The following SNRNP48 variants were observed in gnomAD, a reference collection of about 807,000 sequenced individuals.
SNRNP48 encodes U11/U12 small nuclear ribonucleoprotein 48 kDa protein.
Under a neutral mutation model 47.0 loss-of-function variants are expected in SNRNP48, and 43 were observed. The observed-to-expected ratio is 0.92, with a 90% CI of 0.72 to 1.18. The LOEUF (loss-of-function observed/expected upper bound fraction) is 1.18, where lower values mean the gene tolerates loss of function less well. Ranked by LOEUF, SNRNP48 falls within the 50% of genes most tolerant of loss-of-function variation. SNRNP48 has a pLI of 0.00. For synonymous variants in SNRNP48, 138 were observed against 144.0 expected (o/e 0.96, Z 0.30); for missense variants, 396 against 422.2 (o/e 0.94, Z 0.54).
intron 3 of SNRNP48, among the ~76,000 whole-genome samples, chr6:7,594,605 T>G (rs1170911793): frequency 3.3e-5 from 5 of 152,232 alleles, no homozygotes; most frequent in Non-Finnish European, 7.3e-5. Flanking sequence ...GTTGCCTAAA[T>G]TTCTTTATAA....
At chr6:7,594,205 T>C (rs774893718) in intron 3 of SNRNP48, 46 bp downstream of exon 3, 10 of 970,054 alleles carry the variant, frequency 1.0e-5, no homozygotes, top group South Asian at 7.5e-5. Context: ...AGTGTAGATA[T>C]TGATTTTTCA....
intron 1 of SNRNP48, among the ~76,000 whole-genome samples, chr6:7,592,344 T>TC (rs1403436426): frequency 1.3e-5 from 2 of 150,802 alleles, no homozygotes. Flanking sequence ...ATCTTAAAGG[T>TC]CCTTGTCAGC....
In SNRNP48 at chr6:7,601,416, G is replaced by T; in HGVS notation, c.487G>T (p.Ala163Ser). 1 of 1,603,634 alleles carries T rather than the reference G, an allele frequency of 6.2e-7. No individual in the cohort carries two copies. Among genetic ancestry groups the T allele is most frequent in the East Asian group, 2.3e-5 (1 of 44,388 alleles). The change falls in exon 5 of 9, where the codon GCC (alanine) becomes TCC (serine). Residue 163 changes from alanine to serine, a missense_variant. Coordinates refer to ENST00000342415, the MANE Select transcript of SNRNP48 (RefSeq NM_152551.4). The part of the protein sequence containing the change: ...VCDLTQADRL[A>S]LYDFVVEETK... ...TGATCTAACTCAAGCTGATCGTCTTGCCCTCTATGATTTCGTAGTTGAGGA... is the reference window on the plus strand; with the variant it reads ...TGATCTAACTCAAGCTGATCGTCTTTCCCTCTATGATTTCGTAGTTGAGGA...
rs769091917 is a variant in SNRNP48, at chr6:7,608,989, TA to T, written c.*117del. ...TTTTTATGATCTGTTTAGTGCTTAT[TA>T]TTTTTTTTATGATCTGTTTAGTGCT... On this transcript the variant is annotated 3_prime_UTR_variant, in exon 9 of 9. Coordinates refer to ENST00000342415, the MANE Select transcript of SNRNP48 (RefSeq NM_152551.4). The T allele has an allele frequency of 6.9e-5, 34 of 491,320 alleles. No homozygotes were observed. Among genetic ancestry groups the T allele is most frequent in the South Asian group, 2.4e-4 (4 of 16,844 alleles). The allele number at this position is 491,320 out of a possible 1,614,324, so 30.4% of individuals were successfully genotyped here.
At chr6:7,596,226 A>G (rs577075486) in intron 4 of SNRNP48, among the ~76,000 whole-genome samples, 1 of 152,086 alleles carries the variant, frequency 6.6e-6, no homozygotes, top group Non-Finnish European at 1.5e-5. Flanking sequence ...AGATTGCACC[A>G]TTGCACTCCA....
chr6:7,596,022 G>A (rs1215092655), intron 4 of SNRNP48, among the ~76,000 whole-genome samples: 1 of 152,180 alleles, frequency 6.6e-6, no homozygotes, highest in Non-Finnish European at 1.5e-5. Context: ...CCAGCACTTT[G>A]GGAGGCCGAG....
chr6:7,602,513 G>A, intron 5 of SNRNP48, 110 bp from the exon 6 acceptor site: 1 of 815,458 alleles, frequency 1.2e-6, no homozygotes, highest in South Asian at 2.5e-5. Context: ...ATGTTTTTAT[G>A]TGCTACTTTG....
Position 7,609,794 on chromosome 6 carries a change from C to A in SNRNP48, c.*921C>A, listed in dbSNP as rs1760198752. 6.6e-6 allele frequency: 1 copy of A among 152,052 alleles called. No homozygotes were observed. The highest frequency in any genetic ancestry group is 2.1e-4 in the South Asian group (1 of 4,824). The allele number at this position is 152,052 out of a possible 1,614,324, so 9.4% of individuals were successfully genotyped here. A position where few individuals can be genotyped will look rare whatever the true frequency, so the allele number is the denominator to read the frequency against. ...GTACTATTTACTTAGATTTATTGCA[C>A]CCTTTTTACGTGTGTATTTTATTGG... On this transcript the variant is annotated 3_prime_UTR_variant, in exon 9 of 9. Transcript: ENST00000342415.
At chr6:7,604,658 G>A (rs148328355) in intron 6 of SNRNP48, among the ~76,000 whole-genome samples, 30 of 152,294 alleles carry the variant, frequency 2.0e-4, no homozygotes, top group East Asian at 1.3e-3. Context: ...TGAGGGAAGT[G>A]TAAACTCCTA....
At position 7,611,852 on chromosome 6, in the gene SNRNP48, A is replaced by T. The variant is rs192383425; in HGVS notation, c.*2979A>T. 5 of 152,346 alleles carry T rather than the reference A, an allele frequency of 3.3e-5. No homozygotes were observed. Among genetic ancestry groups the T allele is most frequent in the African/African-American group, 1.2e-4 (5 of 41,592 alleles). 9.4% of individuals were successfully genotyped at this position (152,346 alleles called of 1,614,324 possible). Reference sequence around the variant, plus strand: ...AGCATAAAAATAATAAAACCCACTTATATTTGCTTGAGTGTGTTTACAAGT... The same window carrying T: ...AGCATAAAAATAATAAAACCCACTTTTATTTGCTTGAGTGTGTTTACAAGT... On this transcript the variant is annotated 3_prime_UTR_variant, in exon 9 of 9. Coordinates refer to ENST00000342415, the MANE Select transcript of SNRNP48 (RefSeq NM_152551.4).
At chr6:7,595,197 C>T (rs1759882532) in intron 4 of SNRNP48, 96 bp downstream of exon 4, 2 of 1,044,732 alleles carry the variant, frequency 1.9e-6, no homozygotes, top group South Asian at 3.3e-5. Flanking sequence ...CCTGTGAAAA[C>T]TGTTACATGG....
Position 7,602,639 on chromosome 6 carries a change from T to C in SNRNP48, c.612T>C (p.Ser204=). The change falls in exon 6 of 9, where the codon AGT becomes AGC. Residue 204 remains serine (S), a synonymous_variant. Transcript: ENST00000342415. ...AKINQDNSRK[S]PKSYLEILAE... is the part of the protein sequence containing the mutation. ...TTTCATTAGACAATAGTCGAAAAAG[T>C]CCAAAATCCTACCTTGAAATCCTGG... The C allele has an allele frequency of 6.3e-7, 1 of 1,598,346 alleles. No homozygotes were observed. Among genetic ancestry groups the C allele is most frequent in the Non-Finnish European group, 8.5e-7 (1 of 1,174,322 alleles).
intron 4 of SNRNP48, chr6:7,599,748 C>A: frequency 7.8e-7 from 1 of 1,275,450 alleles, no homozygotes; most frequent in South Asian, 1.3e-5. Flanking sequence ...ATCCTTTTTG[C>A]AAATGATATC....
intron 8 of SNRNP48, among the ~76,000 whole-genome samples, chr6:7,607,786 T>C (rs1489644630): frequency 6.6e-6 from 1 of 152,238 alleles, no homozygotes; most frequent in African/African-American, 2.4e-5. Context: ...TCTCAAATAA[T>C]ATCCTGTCTC....
chr6:7,605,349 T>A, intron 6 of SNRNP48, 49 bp from the exon 7 acceptor site: 1 of 1,465,732 alleles, frequency 6.8e-7, no homozygotes, highest in Non-Finnish European at 9.6e-7. Context: ...ACAGTCTTAA[T>A]TTTTTGAGCA....
At chr6:7,591,034 T>G (rs1759807628) in intron 1 of SNRNP48, among the ~76,000 whole-genome samples, 1 of 152,098 alleles carries the variant, frequency 6.6e-6, no homozygotes, top group African/African-American at 2.4e-5. Context: ...GAATGGCAGA[T>G]TTGGTATTTA....
intron 8 of SNRNP48, among the ~76,000 whole-genome samples, chr6:7,608,282 C>T (rs562476629): frequency 5.3e-5 from 8 of 152,018 alleles, no homozygotes; most frequent in East Asian, 3.9e-4. Flanking sequence ...ACAGGCCGGG[C>T]GTGGTGGCTC....
chr6:7,600,333 GT>G (rs892068511), intron 4 of SNRNP48: 1 of 357,386 alleles, frequency 2.8e-6, no homozygotes, highest in East Asian at 1.6e-4. Flanking sequence ...ACTTAATGAG[GT>G]TAGACTTTAT....
In SNRNP48 at chr6:7,611,874, A is replaced by C. The variant is rs1760241853; in HGVS notation, c.*3001A>C. ...CTTATATTTGCTTGAGTGTGTTTACAAGTCAATTTCCTTTTATGTAGCTTG... is the reference window on the plus strand; with the variant it reads ...CTTATATTTGCTTGAGTGTGTTTACCAGTCAATTTCCTTTTATGTAGCTTG... On this transcript the variant is annotated 3_prime_UTR_variant, in exon 9 of 9. Coordinates refer to ENST00000342415, the MANE Select transcript of SNRNP48 (RefSeq NM_152551.4). 6.6e-6 allele frequency: 1 copy of C among 152,242 alleles called. No individual in the cohort carries two copies. Among genetic ancestry groups the C allele is most frequent in the South Asian group, 2.1e-4 (1 of 4,834 alleles). The allele number at this position is 152,242 out of a possible 1,614,324, so 9.4% of individuals were successfully genotyped here. A position where few individuals can be genotyped will look rare whatever the true frequency, so the allele number is the denominator to read the frequency against.
Sources: gnomAD v4.1 joint callset for allele counts (sites outside exome capture counted in the v4.1 genomes callset) on GRCh38, gnomAD v4.1.1 for gene constraint, MANE v1.5 for transcripts, NCBI Gene and HGNC (gene_info 2026-07-23, HGNC 2026-07-21) for gene names.